Variants in KIF3C observed in about 807,000 individuals in gnomAD.
KIF3C encodes kinesin-like protein KIF3C.
KIF3C carries 12 observed loss-of-function variants against 67.7 expected under a neutral mutation model. That is an observed-to-expected ratio of 0.18 (90% confidence interval 0.11 to 0.29). The LOEUF (loss-of-function observed/expected upper bound fraction) is 0.29, where lower values mean the gene tolerates loss of function less well. KIF3C is among the 10% of genes least tolerant of loss of function. KIF3C has a pLI of 1.00. For synonymous variants in KIF3C, 393 were observed against 426.2 expected (o/e 0.92, Z 0.96); for missense variants, 789 against 1,059.6 (o/e 0.74, Z 3.55).
At chr2:25,957,008 G>A (rs1663821967) in intron 1 of KIF3C, among the ~76,000 whole-genome samples, 2 of 152,186 alleles carry the variant, frequency 1.3e-5, no homozygotes, top group African/African-American at 4.8e-5. Context: ...GGAGAGGGCC[G>A]GGAAGACTTG....
chr2:25,940,509 G>A (rs1663253570), intron 5 of KIF3C, among the ~76,000 whole-genome samples: 1 of 151,492 alleles, frequency 6.6e-6, no homozygotes, highest in Non-Finnish European at 1.5e-5. Context: ...AGTGGGGGTT[G>A]CAGTGAGCTG....
intron 1 of KIF3C, among the ~76,000 whole-genome samples, chr2:25,978,043 C>T (rs902337728): frequency 1.3e-5 from 2 of 152,168 alleles, no homozygotes; most frequent in African/African-American, 4.8e-5. Flanking sequence ...GGAGCAAGGT[C>T]AGGCTTCTCC....
At chr2:25,937,996 GTGAACCGAGATCA>G (rs1663183356) in intron 5 of KIF3C, among the ~76,000 whole-genome samples, 1 of 151,982 alleles carries the variant, frequency 6.6e-6, no homozygotes, top group Admixed American at 6.6e-5. Flanking sequence ...CGGAGGTTGA[GTGAACCGAGATCA>G]TGCCACTGCA....
chr2:25,960,010 C>A (rs548907649), intron 1 of KIF3C, among the ~76,000 whole-genome samples: 1 of 152,162 alleles, frequency 6.6e-6, no homozygotes, highest in Non-Finnish European at 1.5e-5. Context: ...CCTTCATTTT[C>A]CCCAGCATTT....
At chr2:25,932,455 A>C (rs535670052) in intron 5 of KIF3C, among the ~76,000 whole-genome samples, 6 of 151,452 alleles carry the variant, frequency 4.0e-5, no homozygotes, top group Non-Finnish European at 8.8e-5. Flanking sequence ...TCTTCATAGG[A>C]GTTAGCATAA....
chr2:25,971,041 G>C (rs1406461122), intron 1 of KIF3C, among the ~76,000 whole-genome samples: 1 of 151,878 alleles, frequency 6.6e-6, no homozygotes, highest in Non-Finnish European at 1.5e-5. Flanking sequence ...GGGAGGCCGA[G>C]GCGGGCGGAT....
At chr2:25,967,226 G>A (rs1664165066) in intron 1 of KIF3C, among the ~76,000 whole-genome samples, 1 of 152,178 alleles carries the variant, frequency 6.6e-6, no homozygotes, top group South Asian at 2.1e-4. Context: ...TCTGAGATAA[G>A]TGGGTTAGAG....
At chr2:25,960,846 G>A (rs569797217) in intron 1 of KIF3C, among the ~76,000 whole-genome samples, 27 of 152,300 alleles carry the variant, frequency 1.8e-4, no homozygotes, top group Non-Finnish European at 3.2e-4. Context: ...TGTGGCAGGC[G>A]GATCACTTGA....
chr2:25,928,854 C>A lies in KIF3C; in HGVS notation c.*124G>T, dbSNP rs769701609. ...AGAGGCACCATCTGCCAGATTCTCA[C>A]CCCTGCACACACGCACACGCACATG... On this transcript the variant is annotated 3_prime_UTR_variant, in exon 8 of 8. Transcript: ENST00000264712. The A allele has an allele frequency of 2.2e-4, 161 of 734,858 alleles. 1 individual carries two copies. Among genetic ancestry groups the A allele is most frequent in the Non-Finnish European group, 3.4e-4 (148 of 438,124 alleles). 45.5% of individuals were successfully genotyped at this position (734,858 alleles called of 1,614,324 possible). A position where few individuals can be genotyped will look rare whatever the true frequency, so the allele number is the denominator to read the frequency against.
Position 25,980,580 on chromosome 2 carries a change from C to G in KIF3C, c.1338G>C (p.Gln446His). Residue 446 changes from glutamine to histidine, a missense_variant, in exon 1 of 8, where the codon CAG (glutamine) becomes CAC (histidine). Physicochemically the swap from Gln to His is conservative, Grantham distance 24. Coordinates refer to ENST00000264712, the MANE Select transcript of KIF3C (RefSeq NM_002254.8). This position sits in a 1 kb window ranked among gnomAD's most constrained non-coding sequence, Gnocchi z 7.6. ...DDNNNNHRPP[Q>H]PILESALEKN... ...TCTCCAAGGCTGACTCCAGGATGGG[C>G]TGGGGCGGGCGGTGGTTGTTGTTGT... 6.2e-7 allele frequency: 1 copy of G among 1,614,134 alleles called. No individual in the cohort carries two copies. Among genetic ancestry groups the G allele is most frequent in the Non-Finnish European group, 8.5e-7 (1 of 1,180,018 alleles).
chr2:25,950,184 G>C (rs1663558645), intron 5 of KIF3C, among the ~76,000 whole-genome samples: 1 of 151,350 alleles, frequency 6.6e-6, no homozygotes, highest in African/African-American at 2.4e-5. Context: ...ACAGGCATGA[G>C]CCACCATGCC....
chr2:25,967,376 G>C (rs974108694), intron 1 of KIF3C, among the ~76,000 whole-genome samples: 3 of 152,190 alleles, frequency 2.0e-5, no homozygotes, highest in African/African-American at 7.2e-5. Flanking sequence ...CTGGGTGTGG[G>C]AGTCAGGGTG....
intron 5 of KIF3C, among the ~76,000 whole-genome samples, chr2:25,936,446 T>C (rs893692633): frequency 4.6e-5 from 7 of 152,234 alleles, no homozygotes; most frequent in African/African-American, 2.4e-5. Flanking sequence ...TGGGTGATTT[T>C]TATTTTCTCT....
chr2:25,947,363 C>G (rs550361887), intron 5 of KIF3C, among the ~76,000 whole-genome samples: 1 of 151,936 alleles, frequency 6.6e-6, no homozygotes, highest in African/African-American at 2.4e-5. Context: ...GGGCAGATCA[C>G]GAGGTCAGGA....
rs557851986 is a variant in KIF3C at position 25,981,310 on chromosome 2, G to A, written c.608C>T (p.Ala203Val). Residue 203 changes from alanine (A) to valine (V), a missense_variant, in exon 1 of 8, where the codon GCT becomes GTT. By Grantham distance (64) the Ala-to-Val change is moderately conservative. This residue lies in a region of KIF3C where 648 missense variants were observed against 807.8 expected (regional missense o/e 0.80). Coordinates refer to ENST00000264712, the MANE Select transcript of KIF3C (RefSeq NM_002254.8). This position sits in a 1 kb window ranked among gnomAD's most constrained non-coding sequence, Gnocchi z 8.2. Reference sequence around the variant, plus strand: ...CTCATTCATGTGGGTGCTGCCCACAGCCCGGGTCTGGTTCCCCAGGTTCAT... The same window carrying A: ...CTCATTCATGTGGGTGCTGCCCACAACCCGGGTCTGGTTCCCCAGGTTCAT... ...HVMNLGNQTRAVGSTHMNEVS... is the reference protein window; with the variant it reads ...HVMNLGNQTRVVGSTHMNEVS... The A allele has an allele frequency of 2.6e-4, 414 of 1,614,196 alleles. 2 individuals carry two copies. In the South Asian group the frequency reaches 4.3e-3, roughly 17 times the overall value.
intron 5 of KIF3C, among the ~76,000 whole-genome samples, chr2:25,933,826 A>G (rs2090482474): frequency 6.6e-6 from 1 of 152,170 alleles, no homozygotes; most frequent in African/African-American, 2.4e-5. Flanking sequence ...AAAAAGTTAA[A>G]CATAGACTTA....
intron 1 of KIF3C, among the ~76,000 whole-genome samples, chr2:25,962,402 G>A (rs55772169): frequency 0.12 from 17,996 of 151,424 alleles, 1,354 homozygotes; most frequent in African/African-American, 0.2. Flanking sequence ...TTTTTGAGAC[G>A]GAGTTTCGCT....
At chr2:25,960,424 G>A (rs905817472) in intron 1 of KIF3C, among the ~76,000 whole-genome samples, 1 of 149,034 alleles carries the variant, frequency 6.7e-6, no homozygotes, top group Non-Finnish European at 1.5e-5. Flanking sequence ...CCCATCCAAG[G>A]TCACATGATG....
chr2:25,932,104 C>T (rs1365317260), intron 5 of KIF3C, among the ~76,000 whole-genome samples: 5 of 150,062 alleles, frequency 3.3e-5, no homozygotes, highest in Non-Finnish European at 5.9e-5. Flanking sequence ...CTGGTTCAAG[C>T]GATTCTCCTG....
Sources: allele counts gnomAD v4.1 joint callset (sites outside exome capture counted in the v4.1 genomes callset), GRCh38; gene constraint gnomAD v4.1.1; regional missense constraint gnomAD v4.1.1; non-coding constraint Gnocchi (gnomAD v3.1); transcripts MANE v1.5; gene names NCBI Gene and HGNC (gene_info 2026-07-23, HGNC 2026-07-21).